The following SMPX variants were observed in gnomAD, a reference collection of about 807,000 sequenced individuals.
SMPX encodes the protein small muscular protein.
Under a neutral mutation model 6.3 loss-of-function variants are expected in SMPX, and 2 were observed. The observed-to-expected ratio is 0.32, with a 90% CI of 0.13 to 0.99. The LOEUF (loss-of-function observed/expected upper bound fraction) is 0.99, where lower values mean the gene tolerates loss of function less well. Among genes scored for constraint, SMPX ranks in the 50% least tolerant of loss-of-function variants. The probability of loss-of-function intolerance (pLI) is 0.49; values close to 1 mark genes in which losing one functional copy is unlikely to be tolerated. For synonymous variants in SMPX, 32 were observed against 24.7 expected (o/e 1.30, Z -0.88); for missense variants, 60 against 66.8 (o/e 0.90, Z 0.36).
rs138401406 is a variant in SMPX, at chrX:21,711,484, C to A, written c.*15-5090G>T. Among the ~76,000 whole-genome samples the A allele has an allele frequency of 2.0e-4, 22 of 111,852 alleles. No individual in the cohort carries two copies. The East Asian group carries it at 5.9e-3, about 30-fold the overall frequency. On this transcript the variant is annotated intron_variant, in intron 4 of 4. Transcript: ENST00000379494. ...CTAGCTACCCCACGTAACTTTTATA[C>A]CCAGACCAAAAATGACATGGAAGCA...
chrX:21,746,651 T>G (rs1000385529), intron 2 of SMPX, among the ~76,000 whole-genome samples: 1 of 12,241 alleles, frequency 8.2e-5, no homozygotes, highest in African/African-American at 1.3e-4. Flanking sequence ...CTTAAATGGG[T>G]TTTTTTTTTT....
At chrX:21,754,205 A>G in intron 2 of SMPX, 41 bp downstream of exon 2, 1 of 1,142,492 alleles carries the variant, frequency 8.8e-7, no homozygotes, top group South Asian at 1.8e-5. Context: ...CAGAAATATG[A>G]CTTATTAAGC....
chrX:21,744,949 GA>G (rs1254987239), intron 2 of SMPX, among the ~76,000 whole-genome samples: 3 of 111,794 alleles, frequency 2.7e-5, no homozygotes, highest in Non-Finnish European at 5.6e-5. Flanking sequence ...GTTGCCAGGG[GA>G]ATGCTTAACC....
intron 4 of SMPX, among the ~76,000 whole-genome samples, chrX:21,707,996 G>T (rs1189007783): frequency 8.9e-6 from 1 of 112,815 alleles, no homozygotes; most frequent in Non-Finnish European, 1.9e-5. Flanking sequence ...TGCAGCAATA[G>T]CTAATTGATA....
At chrX:21,720,513 G>C (rs975502442) in intron 4 of SMPX, among the ~76,000 whole-genome samples, 1 of 112,692 alleles carries the variant, frequency 8.9e-6, no homozygotes, top group African/African-American at 3.2e-5. Context: ...TTTAAATTTT[G>C]AATAATTTGT....
chrX:21,752,806 C>T (rs748711118), intron 2 of SMPX, among the ~76,000 whole-genome samples: 1 of 111,561 alleles, frequency 9.0e-6, no homozygotes, highest in East Asian at 2.8e-4. Flanking sequence ...CATGAACCAC[C>T]GCGCCCGGCC....
At chrX:21,754,772 G>A (rs964399395) in intron 1 of SMPX, among the ~76,000 whole-genome samples, 6 of 111,901 alleles carry the variant, frequency 5.4e-5, no homozygotes, top group African/African-American at 1.6e-4. Flanking sequence ...AAAAAGAAAT[G>A]GCCTGTACCA....
chrX:21,715,262 C>G (rs1002569161), intron 4 of SMPX, among the ~76,000 whole-genome samples: 131 of 94,613 alleles, frequency 1.4e-3, no homozygotes, highest in Non-Finnish European at 2.0e-3. Flanking sequence ...TCACTCTGCT[C>G]TGTGTGTGTG....
intron 3 of SMPX, among the ~76,000 whole-genome samples, chrX:21,741,186 C>T (rs1192702692): frequency 8.9e-6 from 1 of 111,957 alleles, no homozygotes; most frequent in East Asian, 2.8e-4. Flanking sequence ...TGCTGGGGAA[C>T]ATCCTCTTCA....
chrX:21,711,560 G>A (rs957128958), intron 4 of SMPX, among the ~76,000 whole-genome samples: 1 of 111,967 alleles, frequency 8.9e-6, no homozygotes, highest in African/African-American at 3.3e-5. Context: ...GTGTGGGGAT[G>A]ATACACCAAA....
rs6629422 is a variant in SMPX at position 21,745,096 on chromosome X, T to A, written c.46-1260A>T. On this transcript the variant is annotated intron_variant, in intron 2 of 4. Transcript: ENST00000379494. The stretch of plus-strand genomic sequence containing the variant: ...CCCATCCTTACTAGAATAATGCTGA[T>A]ACCACAGAAAGAAATAGATCCAAAG... 5.7e-4 allele frequency among the ~76,000 whole-genome samples: 64 copies of A among 111,951 alleles called. 1 individual carries two copies. Among genetic ancestry groups the A allele is most frequent in the East Asian group, 3.1e-3 (11 of 3,576 alleles).
At chrX:21,719,327 T>G (rs2092788869) in intron 4 of SMPX, among the ~76,000 whole-genome samples, 1 of 111,031 alleles carries the variant, frequency 9.0e-6, no homozygotes, top group Non-Finnish European at 1.9e-5. Flanking sequence ...GAGACCAGCA[T>G]GGCCAACATG....
At chrX:21,742,139 A>G (rs1174908148) in intron 3 of SMPX, among the ~76,000 whole-genome samples, 1 of 112,231 alleles carries the variant, frequency 8.9e-6, no homozygotes, top group Admixed American at 9.4e-5. Context: ...AAAGTGGGTC[A>G]AGCTACTTTC....
At chrX:21,721,084 G>T (rs1015994239) in intron 4 of SMPX, among the ~76,000 whole-genome samples, 2 of 111,871 alleles carry the variant, frequency 1.8e-5, no homozygotes, top group African/African-American at 6.5e-5. Context: ...ATTCTCCAGG[G>T]TAGGGTACAT....
intron 4 of SMPX, among the ~76,000 whole-genome samples, chrX:21,712,943 A>T (rs757010324): frequency 1.1e-3 from 119 of 112,109 alleles, no homozygotes; most frequent in African/African-American, 3.7e-3. Flanking sequence ...CAAATGGAAA[A>T]CTAATTTTTT....
At chrX:21,752,679 G>A (rs1283126325) in intron 2 of SMPX, among the ~76,000 whole-genome samples, 4 of 109,822 alleles carry the variant, frequency 3.6e-5, no homozygotes, top group Admixed American at 9.7e-5. Flanking sequence ...CACAATGCCT[G>A]GCTAATTTTT....
intron 4 of SMPX, among the ~76,000 whole-genome samples, chrX:21,710,117 G>A (rs1175248882): frequency 1.8e-5 from 2 of 111,904 alleles, no homozygotes; most frequent in Non-Finnish European, 3.8e-5. Flanking sequence ...TCACGACTGG[G>A]TTCAGCTTAT....
intron 4 of SMPX, among the ~76,000 whole-genome samples, chrX:21,719,179 G>A (rs190675796): frequency 2.7e-5 from 3 of 111,954 alleles, no homozygotes; most frequent in South Asian, 3.7e-4. Flanking sequence ...TGGATTGTTC[G>A]TAATATCCTG....
At chrX:21,713,348 A>G (rs988002296) in intron 4 of SMPX, among the ~76,000 whole-genome samples, 3 of 111,907 alleles carry the variant, frequency 2.7e-5, no homozygotes, top group Non-Finnish European at 5.6e-5. Context: ...TCTTTCTGCT[A>G]CACTAAATTC....
Sources: allele counts gnomAD v4.1 joint callset (sites outside exome capture counted in the v4.1 genomes callset), GRCh38; gene constraint gnomAD v4.1.1; transcripts MANE v1.5; gene names NCBI Gene and HGNC (gene_info 2026-07-23, HGNC 2026-07-21).